RUNX2: variants seen among roughly 807,000 people sequenced by gnomAD.
RUNX2 encodes the protein runt-related transcription factor 2.
A neutral mutation model predicts 51.7 loss-of-function variants in RUNX2; 10 were observed. The ratio of observed to expected loss-of-function variants is 0.19; its 90% CI spans 0.12 to 0.33. The LOEUF is 0.33. RUNX2 is among the 10% of genes least tolerant of loss of function. RUNX2 has a pLI of 1.00. For synonymous variants in RUNX2, 276 were observed against 273.6 expected (o/e 1.01, Z -0.09); for missense variants, 562 against 691.3 (o/e 0.81, Z 2.10).
chr6:45,336,457 A>AG (rs766384273), intron 2 of RUNX2, among the ~76,000 whole-genome samples: 29 of 151,484 alleles, frequency 1.9e-4, no homozygotes, highest in Non-Finnish European at 3.0e-4. Flanking sequence ...TATTAGGCTT[A>AG]TTTTTATTTT....
intron 7 of RUNX2, among the ~76,000 whole-genome samples, chr6:45,527,059 T>C (rs921032627): frequency 2.0e-5 from 3 of 152,182 alleles, no homozygotes; most frequent in African/African-American, 7.2e-5. Flanking sequence ...GGAGTCAATA[T>C]TGAAGCTGAG....
chr6:45,545,205 C>G lies in RUNX2; in HGVS notation c.1022-12C>G. 1 of 1,541,744 alleles carries G rather than the reference C, an allele frequency of 6.5e-7. No homozygotes were observed. The highest frequency in any genetic ancestry group is 1.2e-5 in the South Asian group (1 of 83,930). ...GGAAGGGAACTTAGAGCTCATCCCC[C>G]TCATTTTACAGATGATGACACTGCC... is the stretch of plus-strand genomic sequence containing the variant. On this transcript the variant is annotated splice_polypyrimidine_tract_variant and intron_variant, in intron 7 of 8. Transcript: ENST00000647337.
At chr6:45,540,307 G>A (rs1282445501) in intron 7 of RUNX2, among the ~76,000 whole-genome samples, 1 of 152,200 alleles carries the variant, frequency 6.6e-6, no homozygotes, top group Non-Finnish European at 1.5e-5. Context: ...CCTGCTGCCT[G>A]TGTGACTTAA....
At chr6:45,340,361 T>A (rs1053009859) in intron 2 of RUNX2, among the ~76,000 whole-genome samples, 7 of 152,142 alleles carry the variant, frequency 4.6e-5, no homozygotes, top group African/African-American at 1.7e-4. Context: ...TCTCACTCTG[T>A]CACCCAGGCT....
chr6:45,332,411 T>C (rs897848034), intron 2 of RUNX2, among the ~76,000 whole-genome samples: 13 of 151,894 alleles, frequency 8.6e-5, no homozygotes, highest in African/African-American at 2.9e-4. Flanking sequence ...TGGGACTATA[T>C]TATTTATTTT....
chr6:45,422,348 CG>C, intron 2 of RUNX2: 1 of 500,396 alleles, frequency 2.0e-6, no homozygotes, highest in Non-Finnish European at 3.5e-6. Flanking sequence ...CTGCGCCTCC[CG>C]GGTCTCCCTA....
In RUNX2 at chr6:45,334,889, G is replaced by C. The variant is rs559805895; in HGVS notation, c.58+6105G>C. 6.6e-5 allele frequency among the ~76,000 whole-genome samples: 10 copies of C among 151,238 alleles called. No homozygotes were observed. The South Asian group carries it at 2.1e-3, about 31-fold the overall frequency. On this transcript the variant is annotated intron_variant, in intron 2 of 8. Coordinates refer to ENST00000647337, the MANE Select transcript of RUNX2 (RefSeq NM_001024630.4). ...GTAACAGGGATTAGGCATCTACTAG[G>C]AATTTCAAGACTAAAATAATCAATC...
chr6:45,379,441 G>T (rs1797174858), intron 2 of RUNX2, among the ~76,000 whole-genome samples: 1 of 152,182 alleles, frequency 6.6e-6, no homozygotes, highest in South Asian at 2.1e-4. Flanking sequence ...TTAAAATTAT[G>T]TTCAGTTAAT....
At chr6:45,479,019 C>G (rs1482595506) in intron 5 of RUNX2, among the ~76,000 whole-genome samples, 1 of 152,122 alleles carries the variant, frequency 6.6e-6, no homozygotes, top group South Asian at 2.1e-4. Context: ...TCCAGAGTAG[C>G]TGAGATTAAG....
At position 45,459,124 on chromosome 6, in the gene RUNX2, T is replaced by C. The variant is rs148934594; in HGVS notation, c.685+21073T>C. The stretch of plus-strand genomic sequence containing the variant: ...GTCTCAACCCTTACTCTTCTTTCAG[T>C]TGAATTTACTTTAGCTTGGGTTCTT... On this transcript the variant is annotated intron_variant, in intron 5 of 8. Coordinates refer to ENST00000647337, the MANE Select transcript of RUNX2 (RefSeq NM_001024630.4). Among the ~76,000 whole-genome samples the C allele has an allele frequency of 2.2e-4, 34 of 152,330 alleles. No individual in the cohort carries two copies. In the East Asian group the frequency reaches 3.9e-3, roughly 17 times the overall value.
At position 45,548,484 on chromosome 6, in the gene RUNX2, T is replaced by G. The variant is rs1394239584; in HGVS notation, c.*1179T>G. 1 of 152,690 alleles carries G rather than the reference T, an allele frequency of 6.5e-6. No homozygotes were observed. Among genetic ancestry groups the G allele is most frequent in the Non-Finnish European group, 1.5e-5 (1 of 68,054 alleles). 9.5% of individuals were successfully genotyped at this position (152,690 alleles called of 1,614,324 possible). A position where few individuals can be genotyped will look rare whatever the true frequency, so the allele number is the denominator to read the frequency against. On this transcript the variant is annotated 3_prime_UTR_variant, in exon 9 of 9. Transcript: ENST00000647337. ...GATCTTTGAATGCCTCTAACACAGC[T>G]TTGCCTTCTAAAGCGGTAATTAGGG... is the stretch of plus-strand genomic sequence containing the variant.
chr6:45,455,212 C>T (rs568412255), intron 5 of RUNX2, among the ~76,000 whole-genome samples: 2 of 152,328 alleles, frequency 1.3e-5, no homozygotes, highest in South Asian at 2.1e-4. Flanking sequence ...AAAACAACTG[C>T]GTTAGAAAAT....
chr6:45,369,624 A>G (rs1212821074), intron 2 of RUNX2, among the ~76,000 whole-genome samples: 1 of 152,124 alleles, frequency 6.6e-6, no homozygotes, highest in East Asian at 1.9e-4. Context: ...TAATAAAGAC[A>G]CACTCTTATT....
intron 5 of RUNX2, among the ~76,000 whole-genome samples, chr6:45,480,207 A>G (rs1563104702): frequency 6.6e-6 from 1 of 152,250 alleles, no homozygotes; most frequent in African/African-American, 2.4e-5. Context: ...ACGCTATTCC[A>G]TTGGAAAGCG....
intron 7 of RUNX2, among the ~76,000 whole-genome samples, chr6:45,521,856 G>T (rs1801517573): frequency 6.6e-6 from 1 of 152,166 alleles, no homozygotes; most frequent in South Asian, 2.1e-4. Flanking sequence ...GGCTCTGGTA[G>T]TGCAGGCTTT....
intron 2 of RUNX2, among the ~76,000 whole-genome samples, chr6:45,336,365 T>C (rs1788553569): frequency 6.6e-6 from 1 of 151,386 alleles, no homozygotes; most frequent in African/African-American, 2.4e-5. Flanking sequence ...CCAATAGGAC[T>C]AGAGAAAACA....
chr6:45,383,374 T>A (rs992988079), intron 2 of RUNX2, among the ~76,000 whole-genome samples: 5 of 152,012 alleles, frequency 3.3e-5, no homozygotes, highest in African/African-American at 1.2e-4. Flanking sequence ...GAGGCAGAGG[T>A]TGCAGTGAGC....
intron 2 of RUNX2, among the ~76,000 whole-genome samples, chr6:45,345,819 G>T (rs1790741146): frequency 6.6e-6 from 1 of 152,018 alleles, no homozygotes; most frequent in African/African-American, 2.4e-5. Context: ...TAACTCCTCA[G>T]TCTGCCAAAG....
intron 2 of RUNX2, among the ~76,000 whole-genome samples, chr6:45,391,060 T>G (rs922772183): frequency 3.3e-5 from 5 of 152,238 alleles, no homozygotes; most frequent in African/African-American, 4.8e-5. Context: ...TAGAGAAGCT[T>G]ATAGTCTAAC....
Sources: allele counts gnomAD v4.1 joint callset (sites outside exome capture counted in the v4.1 genomes callset), GRCh38; gene constraint gnomAD v4.1.1; transcripts MANE v1.5; gene names NCBI Gene and HGNC (gene_info 2026-07-23, HGNC 2026-07-21).